TRPS1: variants seen among roughly 807,000 people sequenced by gnomAD.
TRPS1 encodes transcriptional repressor GATA binding 1.
In TRPS1, 6 loss-of-function variants were observed where a neutral mutation model predicts 101.2. The ratio of observed to expected loss-of-function variants is 0.06; its 90% CI spans 0.03 to 0.12. The LOEUF (loss-of-function observed/expected upper bound fraction) is 0.12. TRPS1 is among the 10% of genes least tolerant of loss of function. The probability of loss-of-function intolerance (pLI) is 1.00; values close to 1 mark genes in which losing one functional copy is unlikely to be tolerated. For synonymous variants in TRPS1, 578 were observed against 589.8 expected (o/e 0.98, Z 0.29); for missense variants, 1,363 against 1,567.0 (o/e 0.87, Z 2.20).
chr8:115,511,614 C>T (rs1169309192), intron 5 of TRPS1, among the ~76,000 whole-genome samples: 1 of 151,840 alleles, frequency 6.6e-6, no homozygotes, highest in African/African-American at 2.4e-5. Context: ...TGGGACCTGA[C>T]AAAGACCCAC....
At chr8:115,556,391 G>T (rs1816821226) in intron 5 of TRPS1, among the ~76,000 whole-genome samples, 1 of 151,916 alleles carries the variant, frequency 6.6e-6, no homozygotes, top group African/African-American at 2.4e-5. Flanking sequence ...TAACACACCT[G>T]CAATGCCTGC....
intron 5 of TRPS1, among the ~76,000 whole-genome samples, chr8:115,444,993 C>G (rs1395725212): frequency 6.6e-6 from 1 of 152,172 alleles, no homozygotes; most frequent in African/African-American, 2.4e-5. Context: ...TAACTTTCAT[C>G]TTTTCACAAC....
intron 5 of TRPS1, among the ~76,000 whole-genome samples, chr8:115,551,977 T>C (rs896568968): frequency 1.3e-5 from 2 of 152,208 alleles, no homozygotes; most frequent in Non-Finnish European, 2.9e-5. Flanking sequence ...TCGAATCATC[T>C]TGCAGACACT....
chr8:115,550,937 C>T (rs1816690146), intron 5 of TRPS1, among the ~76,000 whole-genome samples: 1 of 152,148 alleles, frequency 6.6e-6, no homozygotes, highest in East Asian at 1.9e-4. Flanking sequence ...ACAAGTTCTA[C>T]AAAGTTTAGT....
intron 1 of TRPS1, among the ~76,000 whole-genome samples, chr8:115,658,473 G>C (rs533316544): frequency 1.1e-4 from 16 of 152,172 alleles, no homozygotes; most frequent in African/African-American, 3.4e-4. Flanking sequence ...TCCCCCTTCT[G>C]TTCAGATATA....
intron 5 of TRPS1, among the ~76,000 whole-genome samples, chr8:115,499,121 C>G (rs761583970): frequency 2.6e-5 from 4 of 152,056 alleles, no homozygotes; most frequent in Non-Finnish European, 5.9e-5. Context: ...AAAGAGTATA[C>G]TAAAGAGCAG....
chr8:115,602,236 A>G (rs1310698724), intron 4 of TRPS1, among the ~76,000 whole-genome samples: 2 of 152,144 alleles, frequency 1.3e-5, no homozygotes, highest in Admixed American at 6.5e-5. Context: ...AAAGAAAATC[A>G]TGAAGATTTC....
chr8:115,421,667 T>A (rs1353153979), intron 5 of TRPS1, among the ~76,000 whole-genome samples: 1 of 152,198 alleles, frequency 6.6e-6, no homozygotes, highest in Non-Finnish European at 1.5e-5. Context: ...AGTACTTTGG[T>A]AAGCCTAGTC....
chr8:115,498,946 G>A (rs1018587950), intron 5 of TRPS1, among the ~76,000 whole-genome samples: 2 of 152,056 alleles, frequency 1.3e-5, no homozygotes, highest in African/African-American at 4.8e-5. Flanking sequence ...AAATGGAAAG[G>A]TTCATTGATC....
At chr8:115,617,994 C>T (rs1437667039) in intron 3 of TRPS1, among the ~76,000 whole-genome samples, 1 of 152,166 alleles carries the variant, frequency 6.6e-6, no homozygotes, top group African/African-American at 2.4e-5. Context: ...ATTCTTCTTA[C>T]AAGTATTGCA....
chr8:115,466,659 G>A (rs1814325957), intron 5 of TRPS1, among the ~76,000 whole-genome samples: 1 of 152,078 alleles, frequency 6.6e-6, no homozygotes, highest in African/African-American at 2.4e-5. Flanking sequence ...TAAAAGAGAA[G>A]GGGGGCGGGG....
intron 6 of TRPS1, among the ~76,000 whole-genome samples, chr8:115,416,567 T>C (rs1013381507): frequency 6.7e-6 from 1 of 148,506 alleles, no homozygotes; most frequent in African/African-American, 2.4e-5. Context: ...AAACATGTTA[T>C]AATAATATAA....
At position 115,544,059 on chromosome 8, in the gene TRPS1, A is replaced by G. The variant is rs116373067; in HGVS notation, c.2700+42942T>C. ...CATAAAATAAAATCCTCCTATCAAG[A>G]AATGTAAAGAACATTTCAGGCTAAA... On this transcript the variant is annotated intron_variant, in intron 5 of 6. Transcript: ENST00000395715. 1.3e-3 allele frequency among the ~76,000 whole-genome samples: 198 copies of G among 152,024 alleles called. 1 individual carries two copies. Among genetic ancestry groups the G allele is most frequent in the African/African-American group, 3.9e-3 (162 of 41,480 alleles).
At chr8:115,641,832 A>G (rs1355955644) in intron 1 of TRPS1, among the ~76,000 whole-genome samples, 4 of 152,200 alleles carry the variant, frequency 2.6e-5, no homozygotes, top group African/African-American at 9.6e-5. Flanking sequence ...ATGAGCCAAG[A>G]TTGCACCATT....
chr8:115,545,697 C>T (rs1426423147), intron 5 of TRPS1, among the ~76,000 whole-genome samples: 1 of 152,012 alleles, frequency 6.6e-6, no homozygotes, highest in Non-Finnish European at 1.5e-5. Flanking sequence ...GATAAAGATC[C>T]AATTCAGATT....
chr8:115,598,806 C>T (rs1817845213), intron 4 of TRPS1, among the ~76,000 whole-genome samples: 1 of 152,192 alleles, frequency 6.6e-6, no homozygotes, highest in Non-Finnish European at 1.5e-5. Flanking sequence ...CCTCCAGTTT[C>T]CATTGTTGCT....
At chr8:115,476,540 A>G (rs1165755006) in intron 5 of TRPS1, among the ~76,000 whole-genome samples, 2 of 152,196 alleles carry the variant, frequency 1.3e-5, no homozygotes, top group South Asian at 4.1e-4. Flanking sequence ...TCTATTCAAC[A>G]TATAGCCTGT....
chr8:115,610,661 T>G (rs561278354), intron 3 of TRPS1, among the ~76,000 whole-genome samples: 1 of 152,228 alleles, frequency 6.6e-6, no homozygotes, highest in Non-Finnish European at 1.5e-5. Context: ...AAGAAAATAC[T>G]GCATATTCCT....
chr8:115,663,653 T>G (rs1811856830), intron 1 of TRPS1, among the ~76,000 whole-genome samples: 1 of 145,776 alleles, frequency 6.9e-6, no homozygotes, highest in Admixed American at 6.8e-5. Flanking sequence ...CAAATGATGC[T>G]CCAAATTTGA....
Sources: allele counts gnomAD v4.1 joint callset (sites outside exome capture counted in the v4.1 genomes callset), GRCh38; gene constraint gnomAD v4.1.1; transcripts MANE v1.5; gene names NCBI Gene and HGNC (gene_info 2026-07-23, HGNC 2026-07-21).